SLC13A3: variants seen among roughly 807,000 people sequenced by gnomAD.
The protein encoded by SLC13A3 is solute carrier family 13 member 3, also known as Na(+)/dicarboxylate cotransporter 3.
Under a neutral mutation model 59.0 loss-of-function variants are expected in SLC13A3, and 40 were observed. The observed-to-expected ratio is 0.68, with a 90% CI of 0.53 to 0.88. The LOEUF (loss-of-function observed/expected upper bound fraction) is 0.88. Among genes scored for constraint, SLC13A3 ranks in the 40% least tolerant of loss-of-function variants. The probability of loss-of-function intolerance (pLI) is 0.00; values close to 1 mark genes in which losing one functional copy is unlikely to be tolerated. For missense variants in SLC13A3, 699 were observed against 783.2 expected, an observed-to-expected ratio of 0.89 and a Z score of 1.28; for synonymous variants, 317 against 330.3, an observed-to-expected ratio of 0.96 and a Z score of 0.44.
chr20:46,661,184 C>T (rs192438895), intron 1 of SLC13A3, among the ~76,000 whole-genome samples: 113 of 152,144 alleles, frequency 7.4e-4, no homozygotes, highest in African/African-American at 2.5e-3. Flanking sequence ...AATCTTTGAA[C>T]GCATTGTTGA....
intron 1 of SLC13A3, among the ~76,000 whole-genome samples, chr20:46,637,077 G>A (rs758990750): frequency 9.9e-5 from 15 of 152,116 alleles, no homozygotes; most frequent in Non-Finnish European, 1.6e-4. Context: ...AGGATTACAG[G>A]CGTGAGCCAC....
At chr20:46,596,912 G>T (rs2062317796) in intron 4 of SLC13A3, among the ~76,000 whole-genome samples, 1 of 152,090 alleles carries the variant, frequency 6.6e-6, no homozygotes, top group African/African-American at 2.4e-5. Context: ...AATCAGCTGG[G>T]CATGGTGGCA....
In SLC13A3 at chr20:46,589,220, T is replaced by C; in HGVS notation, c.956A>G (p.Asn319Ser). Residue 319 changes from asparagine to serine, a missense_variant, in exon 7 of 13, where the codon AAT (asparagine) becomes AGT (serine). Physicochemically the swap from Asn to Ser is conservative, Grantham distance 46. Coordinates refer to ENST00000279027, the MANE Select transcript of SLC13A3 (RefSeq NM_022829.6). Reference sequence around the variant, plus strand: ...TACAGCTCGAGCCCTATCTTCTGCATTGGTTCTTATCTCAGATTTATTCTT... The same window carrying C: ...TACAGCTCGAGCCCTATCTTCTGCACTGGTTCTTATCTCAGATTTATTCTT... ...WRKNKSEIRT[N>S]AEDRARAVIR... 1 of 1,614,222 alleles carries C rather than the reference T, an allele frequency of 6.2e-7. No homozygotes were observed. The highest frequency in any genetic ancestry group is 1.1e-5 in the South Asian group (1 of 91,086).
chr20:46,575,601 C>T lies in SLC13A3; in HGVS notation c.1304G>A (p.Gly435Glu), dbSNP rs1229306403. ...VPWNIILLLG[G>E]GFAMAKGCEE... is the part of the protein sequence containing the mutation. ...ACAGCCTTTGGCCATGGCGAAGCCC[C>T]CTCCCAGGAGAAGGATGATGTTCCA... The change falls in exon 10 of 13, where the codon GGG (glycine) becomes GAG (glutamate). Residue 435 changes from glycine (G) to glutamate (E), a missense_variant. Transcript: ENST00000279027. 1.2e-6 allele frequency: 2 copies of T among 1,605,902 alleles called. No homozygotes were observed. Among genetic ancestry groups the T allele is most frequent in the Non-Finnish European group, 1.7e-6 (2 of 1,175,980 alleles).
rs866771728 is a variant in SLC13A3, at chr20:46,593,220, A to G, written c.795-691T>C. On this transcript the variant is annotated intron_variant, in intron 5 of 12. Coordinates refer to ENST00000279027, the MANE Select transcript of SLC13A3 (RefSeq NM_022829.6). The stretch of plus-strand genomic sequence containing the variant: ...GGCAGATTCTTGATGTTTGTTCGTC[A>G]GAATATTCTTTTCTGGAGAGGAATT... Among the ~76,000 whole-genome samples, 10 of 152,264 alleles carry G rather than the reference A, an allele frequency of 6.6e-5. No homozygotes were observed. The South Asian group carries it at 1.9e-3, about 28-fold the overall frequency.
intron 1 of SLC13A3, among the ~76,000 whole-genome samples, chr20:46,617,405 C>T (rs1348601059): frequency 1.3e-5 from 2 of 152,094 alleles, no homozygotes; most frequent in Admixed American, 1.3e-4. Context: ...AAGATGATTG[C>T]TTGAGGCCAG....
intron 9 of SLC13A3, among the ~76,000 whole-genome samples, chr20:46,578,222 G>A (rs1049723355): frequency 1.3e-5 from 2 of 151,118 alleles, no homozygotes; most frequent in East Asian, 4.0e-4. Flanking sequence ...GAGCCACCAC[G>A]CCCGGTCAGT....
chr20:46,678,534 C>G (rs775411478), intron 1 of SLC13A3, among the ~76,000 whole-genome samples: 10 of 152,216 alleles, frequency 6.6e-5, no homozygotes, highest in Non-Finnish European at 1.3e-4. Context: ...TCTTTACCAT[C>G]AGGGGTGGCC....
chr20:46,669,691 T>G (rs1302096976), intron 1 of SLC13A3, among the ~76,000 whole-genome samples: 1 of 152,234 alleles, frequency 6.6e-6, no homozygotes, highest in Non-Finnish European at 1.5e-5. Flanking sequence ...CATAATTTTA[T>G]TGTACTACTA....
At chr20:46,594,162 C>T (rs2062286196) in intron 5 of SLC13A3, among the ~76,000 whole-genome samples, 1 of 151,258 alleles carries the variant, frequency 6.6e-6, no homozygotes, top group Non-Finnish European at 1.5e-5. Flanking sequence ...ATAAGATTTG[C>T]ATGAAATTTA....
At chr20:46,613,297 A>T (rs847084) in intron 2 of SLC13A3, among the ~76,000 whole-genome samples, 163 bp downstream of exon 2, 108,224 of 149,986 alleles carry the variant, frequency 0.72, 40,103 homozygotes, top group African/African-American at 0.9. Flanking sequence ...GCTAAATAGT[A>T]GAGAAATAAA....
At chr20:46,593,238 G>C (rs2062278274) in intron 5 of SLC13A3, among the ~76,000 whole-genome samples, 1 of 152,184 alleles carries the variant, frequency 6.6e-6, no homozygotes, top group South Asian at 2.1e-4. Flanking sequence ...CTTTTCTGGA[G>C]AGGAATTTGG....
intron 3 of SLC13A3, chr20:46,600,679 T>C: frequency 2.5e-6 from 1 of 402,364 alleles, no homozygotes; most frequent in South Asian, 1.9e-5. Context: ...CATTCATTCA[T>C]TCATCCAAAA....
In SLC13A3 at chr20:46,566,313, G is replaced by A. The variant is rs764166923; in HGVS notation, c.1410C>T (p.Leu470=). 5.6e-6 allele frequency: 9 copies of A among 1,613,380 alleles called. No homozygotes were observed. The South Asian group carries it at 6.6e-5, about 12-fold the overall frequency. The change falls in exon 11 of 13, where the codon CTC becomes CTT. Residue 470 remains leucine (L), a synonymous_variant. Transcript: ENST00000279027. ...TGAAGAAGGCGATGACCACAGTGAT[G>A]AGCAGCACAGCCAGGGCGGGGGGCA... is the stretch of plus-strand genomic sequence containing the variant. ...ENVPPALAVL[L]ITVVIAFFTE...
chr20:46,560,893 A>G (rs958670328), intron 12 of SLC13A3, among the ~76,000 whole-genome samples: 4 of 152,232 alleles, frequency 2.6e-5, no homozygotes, highest in African/African-American at 4.8e-5. Context: ...CACATAGCCC[A>G]GGCTGAATCA....
chr20:46,559,944 T>G lies in SLC13A3; in HGVS notation c.*78A>C. On this transcript the variant is annotated 3_prime_UTR_variant, in exon 13 of 13. Coordinates refer to ENST00000279027, the MANE Select transcript of SLC13A3 (RefSeq NM_022829.6). ...ATTACAGAAAAGAATTATTTGATTGTTTTGTAGTGTCCTAGCAGCAGGTGA... is the reference window on the plus strand; with the variant it reads ...ATTACAGAAAAGAATTATTTGATTGGTTTGTAGTGTCCTAGCAGCAGGTGA... 1 of 1,404,740 alleles carries G rather than the reference T, an allele frequency of 7.1e-7. No individual in the cohort carries two copies. The highest frequency in any genetic ancestry group is 1.3e-5 in the South Asian group (1 of 79,428). The allele number at this position is 1,404,740 out of a possible 1,614,324, so 87.0% of individuals were successfully genotyped here. A position where few individuals can be genotyped will look rare whatever the true frequency, so the allele number is the denominator to read the frequency against.
In SLC13A3 at chr20:46,563,495, G is replaced by A; in HGVS notation, c.1551C>T (p.Cys517=). The A allele has an allele frequency of 4.3e-6, 7 of 1,614,096 alleles. No homozygotes were observed. The highest frequency in any genetic ancestry group is 5.9e-6 in the Non-Finnish European group (7 of 1,180,012). The change falls in exon 12 of 13, where the codon TGC becomes TGT. Residue 517 remains cysteine, a synonymous_variant. Coordinates refer to ENST00000279027, the MANE Select transcript of SLC13A3 (RefSeq NM_022829.6). ...LYLMIPGTVG[C]SFAFMLPVST... is the part of the protein sequence containing the mutation. Reference sequence around the variant, plus strand: ...AGACCGGGAGCATGAAGGCAAAGGAGCAGCCGACTGTGCCCGGAATCATCA... The same window carrying A: ...AGACCGGGAGCATGAAGGCAAAGGAACAGCCGACTGTGCCCGGAATCATCA...
chr20:46,600,561 C>A (rs139780612), intron 3 of SLC13A3: 1 of 437,492 alleles, frequency 2.3e-6, no homozygotes, highest in Non-Finnish European at 4.9e-6. Flanking sequence ...GGCTGCTTGA[C>A]AACCCATAAC....
chr20:46,648,159 T>A (rs1294459676), intron 1 of SLC13A3, among the ~76,000 whole-genome samples: 2 of 152,058 alleles, frequency 1.3e-5, no homozygotes, highest in Non-Finnish European at 2.9e-5. Context: ...TCCATGTGCA[T>A]AACAAACCTA....
Sources: gnomAD v4.1 joint callset for allele counts (sites outside exome capture counted in the v4.1 genomes callset) on GRCh38, gnomAD v4.1.1 for gene constraint, MANE v1.5 for transcripts, NCBI Gene and HGNC (gene_info 2026-07-23, HGNC 2026-07-21) for gene names.